CD160: variants seen among roughly 807,000 people sequenced by gnomAD.
CD160 encodes CD160 antigen.
CD160 carries 11 observed loss-of-function variants against 19.2 expected under a neutral mutation model. That is an observed-to-expected ratio of 0.57 (90% CI 0.36 to 0.95). The LOEUF is 0.95. Among genes scored for constraint, CD160 ranks in the 40% least tolerant of loss-of-function variants. CD160 has a pLI of 0.01. For synonymous variants in CD160, 75 were observed against 81.1 expected, an observed-to-expected ratio of 0.93 and a Z score of 0.40; for missense variants, 182 against 213.2, an observed-to-expected ratio of 0.85 and a Z score of 0.91.
At chr1:145,721,952 G>C (rs1222101336) in intron 1 of CD160, among the ~76,000 whole-genome samples, 2 of 152,226 alleles carry the variant, frequency 1.3e-5, no homozygotes, top group Admixed American at 6.5e-5. Flanking sequence ...GCTGTGAGGA[G>C]AGGGACAAAG....
intron 5 of CD160, 40 bp downstream of exon 5, chr1:145,736,174 G>T (rs782042903): frequency 5.6e-6 from 9 of 1,613,784 alleles, no homozygotes; most frequent in Non-Finnish European, 6.8e-6. Context: ...AGCAATGAGG[G>T]TGCTATTATA....
At chr1:145,722,532 C>T (rs1343341209) in intron 1 of CD160, among the ~76,000 whole-genome samples, 2 of 152,160 alleles carry the variant, frequency 1.3e-5, no homozygotes, top group Non-Finnish European at 2.9e-5. Context: ...CTGAGCATAG[C>T]GCCTGGCCCA....
intron 5 of CD160, chr1:145,737,987 G>C (rs182429998): frequency 6.6e-6 from 1 of 152,252 alleles, no homozygotes. Flanking sequence ...TAGAATTATT[G>C]AAAGAGGTAG....
rs368476773 is a variant in CD160 at position 145,736,173 on chromosome 1, G to A, written c.538+39G>A. 1.5e-5 allele frequency: 25 copies of A among 1,613,650 alleles called. No homozygotes were observed. The East Asian group carries it at 5.1e-4, about 33-fold the overall frequency. ...AGCCGTAAGCACCCCAAGCAATGAG[G>A]GTGCTATTATATTTCTGCCACCTTG... On this transcript the variant is annotated intron_variant, in intron 5 of 5. Transcript: ENST00000369288.
intron 2 of CD160, among the ~76,000 whole-genome samples, chr1:145,726,620 T>C (rs782201381): frequency 8.6e-5 from 13 of 152,040 alleles, no homozygotes; most frequent in Non-Finnish European, 1.9e-4. Flanking sequence ...TTAGGAGAAA[T>C]ACCTAATGTA....
In CD160 at chr1:145,730,907, T is replaced by G. The variant is rs782448146; in HGVS notation, c.237T>G (p.Leu79=). 17 of 1,613,960 alleles carry G rather than the reference T, an allele frequency of 1.1e-5. No individual in the cohort carries two copies. The highest frequency in any genetic ancestry group is 8.5e-7 in the Non-Finnish European group (1 of 1,180,014). The part of the protein sequence containing the change: ...SPETSLKQLR[L]KRDPGIDGVG... Reference sequence around the variant, plus strand: ...AGACCAGTTTAAAACAGCTGAGACTTAAAAGGGATCCTGGGATAGATGGTG... The same window carrying G: ...AGACCAGTTTAAAACAGCTGAGACTGAAAAGGGATCCTGGGATAGATGGTG... The change falls in exon 4 of 6, where the codon CTT becomes CTG. Residue 79 remains leucine (L), a synonymous_variant. Coordinates refer to ENST00000369288, the MANE Select transcript of CD160 (RefSeq NM_007053.4).
intron 4 of CD160, among the ~76,000 whole-genome samples, chr1:145,734,259 G>GT (rs1559094997): frequency 6.6e-6 from 1 of 152,098 alleles, no homozygotes; most frequent in Non-Finnish European, 1.5e-5. Context: ...AGTCACCTTT[G>GT]TATCTCCCAC....
chr1:145,722,166 T>C (rs1656875713), intron 1 of CD160, among the ~76,000 whole-genome samples: 1 of 152,172 alleles, frequency 6.6e-6, no homozygotes, highest in South Asian at 2.1e-4. Flanking sequence ...ACACTGTCCA[T>C]TGATTCCAAT....
rs782399579 is a variant in CD160 at position 145,728,323 on chromosome 1, G to A, written c.-5G>A. 1.9e-6 allele frequency: 3 copies of A among 1,610,022 alleles called. No individual in the cohort carries two copies. In the Admixed American group the frequency reaches 5.0e-5, roughly 27 times the overall value. ...AAGTTCCTGGGCCTGCTGACAGCGT[G>A]CAGGATGCTGTTGGAACCCGGCAGA... On this transcript the variant is annotated 5_prime_UTR_variant, in exon 3 of 6. Coordinates refer to ENST00000369288, the MANE Select transcript of CD160 (RefSeq NM_007053.4).
At chr1:145,736,502 G>C (rs782214665) in intron 5 of CD160, 1 of 350,130 alleles carries the variant, frequency 2.9e-6, no homozygotes, top group East Asian at 7.2e-5. Flanking sequence ...TTGGTTTGGA[G>C]ATGGGTTTTG....
At chr1:145,725,910 T>A (rs1177478860) in intron 2 of CD160, among the ~76,000 whole-genome samples, 1 of 151,538 alleles carries the variant, frequency 6.6e-6, no homozygotes, top group Non-Finnish European at 1.5e-5. Flanking sequence ...AACTGGAAAA[T>A]CCAAGAGAAT....
chr1:145,727,304 T>C (rs1301738981), intron 2 of CD160, among the ~76,000 whole-genome samples: 1 of 151,330 alleles, frequency 6.6e-6, no homozygotes, highest in Admixed American at 6.6e-5. Flanking sequence ...TTTAATAATA[T>C]ATAATATTTT....
chr1:145,729,137 TA>T (rs1341319612), intron 3 of CD160, among the ~76,000 whole-genome samples: 2 of 152,160 alleles, frequency 1.3e-5, no homozygotes, highest in African/African-American at 4.8e-5. Flanking sequence ...AAAGTAGAAA[TA>T]AAATATAAAC....
intron 1 of CD160, among the ~76,000 whole-genome samples, chr1:145,722,944 G>C (rs1454121411): frequency 6.6e-6 from 1 of 152,166 alleles, no homozygotes; most frequent in Non-Finnish European, 1.5e-5. Context: ...TCTGGCTCTA[G>C]AGTCTACGCT....
intron 3 of CD160, among the ~76,000 whole-genome samples, chr1:145,730,186 G>C (rs1657229573): frequency 6.6e-6 from 1 of 152,136 alleles, no homozygotes; most frequent in Admixed American, 6.5e-5. Context: ...CAGGCATAGT[G>C]GTGCATACCT....
chr1:145,728,501 CTTTT>C (rs59357123), intron 3 of CD160, 101 bp downstream of exon 3: 12,334 of 289,980 alleles, frequency 0.043, no homozygotes, highest in South Asian at 0.069. Context: ...ACAAAGGACT[CTTTT>C]TTTTTTTTTT....
chr1:145,722,511 T>C (rs1656892446), intron 1 of CD160, among the ~76,000 whole-genome samples: 1 of 152,200 alleles, frequency 6.6e-6, no homozygotes, highest in African/African-American at 2.4e-5. Flanking sequence ...AATATGTCTA[T>C]TTATTAAAGG....
In CD160 at chr1:145,728,164, A is replaced by G. The variant is rs185234040; in HGVS notation, c.-72-92A>G. The G allele has an allele frequency of 1.3e-3, 817 of 606,694 alleles. 2 individuals carry two copies. The highest frequency in any genetic ancestry group is 2.0e-3 in the Non-Finnish European group (659 of 335,418). 37.6% of individuals were successfully genotyped at this position (606,694 alleles called of 1,614,324 possible). A position where few individuals can be genotyped will look rare whatever the true frequency, so the allele number is the denominator to read the frequency against. ...GCCCAAGCCCTCCTCTACCTCCATC[A>G]TACTCTAGCCAATCAAAGCTAGAGC... On this transcript the variant is annotated intron_variant, in intron 2 of 5. Transcript: ENST00000369288.
intron 1 of CD160, among the ~76,000 whole-genome samples, chr1:145,720,465 CCAAACCTCTGTCTACTAA>C (rs1433923113): frequency 6.6e-6 from 1 of 152,172 alleles, no homozygotes; most frequent in Non-Finnish European, 1.5e-5. Flanking sequence ...GCCCCCCAGC[CCAAACCTCTGTCTACTAA>C]CAAGTCTGGT....
Sources: allele counts gnomAD v4.1 joint callset (sites outside exome capture counted in the v4.1 genomes callset), GRCh38; gene constraint gnomAD v4.1.1; transcripts MANE v1.5; gene names NCBI Gene and HGNC (gene_info 2026-07-23, HGNC 2026-07-21).